The following ADAMTS3 variants were observed in gnomAD, a reference collection of about 807,000 sequenced individuals.
ADAMTS3 encodes ADAM metallopeptidase with thrombospondin type 1 motif 3.
Under a neutral mutation model 129.0 loss-of-function variants are expected in ADAMTS3, and 73 were observed. The ratio of observed to expected loss-of-function variants is 0.57; its 90% confidence interval spans 0.47 to 0.69. The LOEUF is 0.69. Ranked by LOEUF, ADAMTS3 falls within the 30% of genes least tolerant of loss-of-function variation. The pLI, the probability that ADAMTS3 is intolerant of heterozygous loss-of-function variation, is 0.00. For missense variants in ADAMTS3, 1,457 were observed against 1,514.5 expected (o/e 0.96, Z 0.63); for synonymous variants, 477 against 510.8 (o/e 0.93, Z 0.89).
chr4:72,444,784 G>C (rs1269314350), intron 3 of ADAMTS3, among the ~76,000 whole-genome samples: 1 of 151,738 alleles, frequency 6.6e-6, no homozygotes, highest in Non-Finnish European at 1.5e-5. Flanking sequence ...TTGCCAGAAA[G>C]TGGAAACAAG....
At chr4:72,464,347 T>C (rs1210292553) in intron 3 of ADAMTS3, among the ~76,000 whole-genome samples, 6 of 152,046 alleles carry the variant, frequency 3.9e-5, no homozygotes, top group African/African-American at 1.4e-4. Context: ...CCTCTGTTTC[T>C]CTAGCCTAGT....
chr4:72,438,628 T>A (rs1718032996), intron 3 of ADAMTS3, among the ~76,000 whole-genome samples: 2 of 151,762 alleles, frequency 1.3e-5, no homozygotes, highest in Admixed American at 6.6e-5. Flanking sequence ...GGAAAACTCC[T>A]CTGTGCACTT....
chr4:72,512,172 G>A (rs562594186), intron 3 of ADAMTS3, among the ~76,000 whole-genome samples: 40 of 152,182 alleles, frequency 2.6e-4, no homozygotes, highest in African/African-American at 9.4e-4. Flanking sequence ...TAAAAAATAA[G>A]TAGAAAGAAT....
intron 4 of ADAMTS3, among the ~76,000 whole-genome samples, chr4:72,357,080 A>T (rs1048985198): frequency 1.3e-5 from 2 of 151,906 alleles, no homozygotes; most frequent in African/African-American, 4.8e-5. Flanking sequence ...TGAAAACCAG[A>T]TTAAACATAC....
intron 3 of ADAMTS3, among the ~76,000 whole-genome samples, chr4:72,501,303 T>C (rs1720015546): frequency 6.6e-6 from 1 of 152,156 alleles, no homozygotes; most frequent in Non-Finnish European, 1.5e-5. Flanking sequence ...CAGTATTTGA[T>C]TGTTGTCCTT....
In ADAMTS3 at chr4:72,288,735, T is replaced by G. The variant is rs535523179; in HGVS notation, c.3049+16A>C. The G allele has an allele frequency of 6.6e-7, 1 of 1,519,108 alleles. No homozygotes were observed. The highest frequency in any genetic ancestry group is 2.3e-5 in the East Asian group (1 of 44,368). The allele number at this position is 1,519,108 out of a possible 1,614,324, so 94.1% of individuals were successfully genotyped here. A position where few individuals can be genotyped will look rare whatever the true frequency, so the allele number is the denominator to read the frequency against. On this transcript the variant is annotated intron_variant, in intron 21 of 21. Transcript: ENST00000286657. ...AAAAACATCAGAGCAGTGAAGTCAA[T>G]TGGTGTGACACCTACCATTACAAGG...
chr4:72,363,994 C>G (rs1720797866), intron 4 of ADAMTS3, among the ~76,000 whole-genome samples: 1 of 152,154 alleles, frequency 6.6e-6, no homozygotes. Flanking sequence ...CAATATATTA[C>G]ATGAAAATGA....
At chr4:72,356,686 T>C (rs1720590242) in intron 4 of ADAMTS3, among the ~76,000 whole-genome samples, 1 of 151,804 alleles carries the variant, frequency 6.6e-6, no homozygotes, top group South Asian at 2.1e-4. Flanking sequence ...AATAAATGAA[T>C]TAAGCAAGTC....
At chr4:72,288,697 C>A (rs897833439) in intron 21 of ADAMTS3, 54 bp downstream of exon 21, 2 of 1,170,182 alleles carry the variant, frequency 1.7e-6, no homozygotes, top group African/African-American at 1.5e-5. Flanking sequence ...GGAAATTCTG[C>A]TTTTTGAGGT....
At position 72,529,262 on chromosome 4, in the gene ADAMTS3, T is replaced by C. The variant is rs113607675; in HGVS notation, c.504+19216A>G. ...GAGGGGAAATGACATCAGGGAAGTA[T>C]ACTGAAACCAGTTCTTGTAGGACAG... On this transcript the variant is annotated intron_variant, in intron 3 of 21. Coordinates refer to ENST00000286657, the MANE Select transcript of ADAMTS3 (RefSeq NM_014243.3). Among the ~76,000 whole-genome samples, 1,019 of 152,214 alleles carry C rather than the reference T, an allele frequency of 6.7e-3. 19 individuals are homozygous for C. Among genetic ancestry groups the C allele is most frequent in the African/African-American group, 0.023 (958 of 41,544 alleles).
chr4:72,498,251 T>C (rs940705618), intron 3 of ADAMTS3, among the ~76,000 whole-genome samples: 2 of 152,054 alleles, frequency 1.3e-5, no homozygotes, highest in South Asian at 2.1e-4. Flanking sequence ...CAACTCCTTA[T>C]AACTTTTTAA....
Position 72,319,921 on chromosome 4 carries a change from C to T in ADAMTS3, c.1145G>A (p.Cys382Tyr). 1 of 1,613,900 alleles carries T rather than the reference C, an allele frequency of 6.2e-7. No homozygotes were observed. The change falls in exon 8 of 22, where the codon TGT (cysteine) becomes TAT (tyrosine). Residue 382 changes from cysteine (C) to tyrosine (Y), a missense_variant. Coordinates refer to ENST00000286657, the MANE Select transcript of ADAMTS3 (RefSeq NM_014243.3). ...AAAACCATCCTCATGATTCAGGGTA[C>T]AACTTCTCACTGGATGACACATGCC... ...VTGMCHPVRS[C>Y]TLNHEDGFSS... is the part of the protein sequence containing the mutation.
intron 3 of ADAMTS3, among the ~76,000 whole-genome samples, chr4:72,534,761 T>C (rs554345115): frequency 2.9e-4 from 44 of 152,298 alleles, no homozygotes; most frequent in African/African-American, 1.1e-3. Context: ...ATACAGCCCA[T>C]ATTTCAAACA....
chr4:72,283,165 G>A lies in ADAMTS3; in HGVS notation c.3589C>T (p.Pro1197Ser). 1.2e-6 allele frequency: 2 copies of A among 1,611,768 alleles called. No homozygotes were observed. The highest frequency in any genetic ancestry group is 1.7e-6 in the Non-Finnish European group (2 of 1,178,842). ...KDGKIIDNRR[P>S]TRSSTLER ...CTTTCTAAGGTGGATGATCTTGTCG[G>A]ACGTCTGTTGTCAATGATCTTTCCA... Residue 1197 changes from proline to serine, a missense_variant, in exon 22 of 22, where the codon CCG becomes TCG. Transcript: ENST00000286657.
chr4:72,499,237 A>C (rs192147078), intron 3 of ADAMTS3, among the ~76,000 whole-genome samples: 37 of 152,296 alleles, frequency 2.4e-4, no homozygotes, highest in Admixed American at 4.6e-4. Flanking sequence ...TCCCATTATT[A>C]AAGTATAATA....
chr4:72,432,328 C>T (rs1484151323), intron 3 of ADAMTS3, among the ~76,000 whole-genome samples: 1 of 151,882 alleles, frequency 6.6e-6, no homozygotes, highest in Non-Finnish European at 1.5e-5. Flanking sequence ...CCCTCCCGAC[C>T]ACACTATGGT....
chr4:72,518,185 C>T (rs1720548486), intron 3 of ADAMTS3, among the ~76,000 whole-genome samples: 1 of 152,054 alleles, frequency 6.6e-6, no homozygotes, highest in African/African-American at 2.4e-5. Context: ...AGTTTGATTG[C>T]ACTGTGGTCT....
chr4:72,506,746 G>A (rs1720168927), intron 3 of ADAMTS3, among the ~76,000 whole-genome samples: 2 of 152,134 alleles, frequency 1.3e-5, no homozygotes, highest in East Asian at 1.9e-4. Context: ...GTCACAGAGG[G>A]AGGTTCTCTG....
At chr4:72,312,814 A>G (rs968182569) in intron 12 of ADAMTS3, among the ~76,000 whole-genome samples, 1 of 152,212 alleles carries the variant, frequency 6.6e-6, no homozygotes, top group Non-Finnish European at 1.5e-5. Context: ...AACTTTGGTC[A>G]TCGCTCCATG....
Sources: allele counts gnomAD v4.1 joint callset (sites outside exome capture counted in the v4.1 genomes callset), GRCh38; gene constraint gnomAD v4.1.1; transcripts MANE v1.5; gene names NCBI Gene and HGNC (gene_info 2026-07-23, HGNC 2026-07-21).